Variants in NRXN3 observed in about 807,000 individuals in gnomAD.
NRXN3 encodes the protein neurexin III.
In NRXN3, 32 loss-of-function variants were observed where a neutral mutation model predicts 137.6. That is an observed-to-expected ratio of 0.23 (90% CI 0.18 to 0.31). The LOEUF (loss-of-function observed/expected upper bound fraction) is 0.31, where lower values mean the gene tolerates loss of function less well. Among genes scored for constraint, NRXN3 ranks in the 10% least tolerant of loss-of-function variants. The pLI is 1.00. For missense variants in NRXN3, 1,574 were observed against 2,062.5 expected, an observed-to-expected ratio of 0.76 and a Z score of 4.59; for synonymous variants, 798 against 784.5, an observed-to-expected ratio of 1.02 and a Z score of -0.29.
chr14:78,544,469 G>C (rs1282911187), intron 4 of NRXN3, among the ~76,000 whole-genome samples: 1 of 152,210 alleles, frequency 6.6e-6, no homozygotes, highest in Non-Finnish European at 1.5e-5. Context: ...CAAAAGGATG[G>C]GGAAATGCTG....
At chr14:78,662,516 G>C (rs1413985121) in intron 6 of NRXN3, among the ~76,000 whole-genome samples, 1 of 152,110 alleles carries the variant, frequency 6.6e-6, no homozygotes, top group Non-Finnish European at 1.5e-5. Context: ...AAAGTAATGA[G>C]TTCTCCAACA....
chr14:79,235,336 G>A (rs1357577195), intron 15 of NRXN3, among the ~76,000 whole-genome samples: 1 of 152,156 alleles, frequency 6.6e-6, no homozygotes, highest in Non-Finnish European at 1.5e-5. Context: ...CTTACTGTGA[G>A]ATTTGGGCCA....
chr14:78,250,727 T>C (rs1006818587), intron 2 of NRXN3, among the ~76,000 whole-genome samples: 15 of 152,210 alleles, frequency 9.9e-5, no homozygotes, highest in Non-Finnish European at 1.9e-4. Context: ...CAAGTGTGGG[T>C]GCTGCCTTTG....
intron 1 of NRXN3, among the ~76,000 whole-genome samples, chr14:78,177,258 G>A (rs1165399366): frequency 6.6e-6 from 1 of 152,164 alleles, no homozygotes; most frequent in African/African-American, 2.4e-5. Flanking sequence ...GGCTGGTTGG[G>A]GGGCATGATG....
chr14:79,507,823 G>A (rs1274774266), intron 16 of NRXN3, among the ~76,000 whole-genome samples: 1 of 152,064 alleles, frequency 6.6e-6, no homozygotes, highest in Non-Finnish European at 1.5e-5. Flanking sequence ...AAAGAAAATG[G>A]GCAGGGAGGC....
intron 4 of NRXN3, 137 bp downstream of exon 4, chr14:78,297,997 G>T (rs1366623562): frequency 6.1e-6 from 6 of 976,442 alleles, no homozygotes; most frequent in Non-Finnish European, 9.0e-6. Flanking sequence ...CTGGCTGCAG[G>T]ACCACCCTGC....
intron 1 of NRXN3, among the ~76,000 whole-genome samples, chr14:78,225,584 T>C (rs2064444719): frequency 6.6e-6 from 1 of 152,222 alleles, no homozygotes; most frequent in Non-Finnish European, 1.5e-5. Flanking sequence ...TCTTTTGCTG[T>C]GCAGAAACTC....
At chr14:78,248,270 TG>T (rs1403377034) in intron 2 of NRXN3, among the ~76,000 whole-genome samples, 2 of 133,488 alleles carry the variant, frequency 1.5e-5, no homozygotes, top group Non-Finnish European at 3.1e-5. Context: ...CACCGTTGTG[TG>T]GTCCTCAGTA....
Position 79,709,364 on chromosome 14 carries a change from C to T in NRXN3, c.4014+11427C>T, listed in dbSNP as rs1174801014. Among the ~76,000 whole-genome samples, 3 of 152,184 alleles carry T rather than the reference C, an allele frequency of 2.0e-5. No homozygotes were observed. In the East Asian group the frequency reaches 5.8e-4, roughly 29 times the overall value. ...ATTAATGTAAGTGAAAGGGTGGATA[C>T]CCCAACTAAGGATTAGAAGAGAAAA... is the stretch of plus-strand genomic sequence containing the variant. On this transcript the variant is annotated intron_variant, in intron 19 of 20. Coordinates refer to ENST00000335750, the MANE Select transcript of NRXN3 (RefSeq NM_001330195.2).
chr14:79,246,102 T>C (rs2075142306), intron 15 of NRXN3, among the ~76,000 whole-genome samples: 1 of 152,192 alleles, frequency 6.6e-6, no homozygotes, highest in African/African-American at 2.4e-5. Flanking sequence ...AGTTTTCCTA[T>C]TCCTTATATT....
intron 10 of NRXN3, among the ~76,000 whole-genome samples, chr14:78,835,924 T>G (rs1191063471): frequency 6.6e-6 from 1 of 152,140 alleles, no homozygotes; most frequent in Admixed American, 6.5e-5. Flanking sequence ...CTCTCAGGCT[T>G]TTGTAATCAA....
chr14:79,214,625 AACTT>A (rs1242759322), intron 15 of NRXN3, among the ~76,000 whole-genome samples: 1 of 152,182 alleles, frequency 6.6e-6, no homozygotes, highest in Admixed American at 6.6e-5. Flanking sequence ...ATTAGAAAAC[AACTT>A]ACTTGTCTTT....
intron 4 of NRXN3, among the ~76,000 whole-genome samples, chr14:78,442,416 A>G (rs959963522): frequency 1.3e-5 from 2 of 152,248 alleles, no homozygotes; most frequent in Admixed American, 6.5e-5. Context: ...AGCTGGAAGA[A>G]GCCAGGAAGG....
intron 15 of NRXN3, among the ~76,000 whole-genome samples, chr14:79,209,656 G>T (rs1016392207): frequency 6.6e-6 from 1 of 152,104 alleles, no homozygotes; most frequent in Non-Finnish European, 1.5e-5. Context: ...TTACTTTATT[G>T]CTTGTCTCCC....
At chr14:78,863,392 G>A (rs559338254) in intron 10 of NRXN3, among the ~76,000 whole-genome samples, 1 of 152,006 alleles carries the variant, frequency 6.6e-6, no homozygotes, top group South Asian at 2.1e-4. Flanking sequence ...TAGTCTCTGG[G>A]CTTGACCTAT....
Position 78,552,870 on chromosome 14 carries a change from A to G in NRXN3, c.758-92250A>G, listed in dbSNP as rs371459065. 2.8e-4 allele frequency among the ~76,000 whole-genome samples: 42 copies of G among 152,344 alleles called. No individual in the cohort carries two copies. The East Asian group carries it at 6.2e-3, about 22-fold the overall frequency. ...AGAGAATAATTTGAATGTTTCTAGCATTAAGAAAATATTAAGATAAACATT... is the reference window on the plus strand; with the variant it reads ...AGAGAATAATTTGAATGTTTCTAGCGTTAAGAAAATATTAAGATAAACATT... On this transcript the variant is annotated intron_variant, in intron 4 of 20. Transcript: ENST00000335750.
intron 10 of NRXN3, among the ~76,000 whole-genome samples, chr14:78,831,726 G>C (rs1269281698): frequency 6.6e-6 from 1 of 151,878 alleles, no homozygotes; most frequent in Non-Finnish European, 1.5e-5. Context: ...AAAAATCAAT[G>C]TAATTACCAT....
chr14:79,291,190 A>G lies in NRXN3; in HGVS notation c.3263-176031A>G, dbSNP rs557984429. Among the ~76,000 whole-genome samples the G allele has an allele frequency of 2.0e-5, 3 of 152,304 alleles. 1 individual carries two copies. In the East Asian group the frequency reaches 5.8e-4, roughly 29 times the overall value. On this transcript the variant is annotated intron_variant, in intron 15 of 20. Coordinates refer to ENST00000335750, the MANE Select transcript of NRXN3 (RefSeq NM_001330195.2). ...TTAAAACAAACTTCTTAGATAAGTT[A>G]AACACAAGATGATAGGAAACCTCTA...
intron 15 of NRXN3, among the ~76,000 whole-genome samples, chr14:79,347,342 C>T (rs192610537): frequency 1.4e-3 from 205 of 151,798 alleles, no homozygotes; most frequent in African/African-American, 4.7e-3. Context: ...CATTAAACTG[C>T]CTGATAAAGT....
Sources: allele counts gnomAD v4.1 joint callset (sites outside exome capture counted in the v4.1 genomes callset), GRCh38; gene constraint gnomAD v4.1.1; transcripts MANE v1.5; gene names NCBI Gene and HGNC (gene_info 2026-07-23, HGNC 2026-07-21).